The following NUDT4 variants were observed in gnomAD, a reference collection of about 807,000 sequenced individuals.
The protein encoded by NUDT4 is diphosphoinositol polyphosphate phosphohydrolase 2.
A neutral mutation model predicts 23.1 loss-of-function variants in NUDT4; 5 were observed. The observed-to-expected ratio is 0.22, with a 90% CI of 0.11 to 0.46. The LOEUF is 0.46. Ranked by LOEUF, NUDT4 falls within the 20% of genes least tolerant of loss-of-function variation. NUDT4 has a pLI of 0.99. For synonymous variants in NUDT4, 50 were observed against 79.0 expected (o/e 0.63, Z 1.95); for missense variants, 96 against 211.6 (o/e 0.45, Z 3.39).
In NUDT4 at chr12:93,407,714, G is replaced by T. The variant is rs948677931; in HGVS notation, c.*8335G>T. 2 of 152,216 alleles carry T rather than the reference G, an allele frequency of 1.3e-5. No individual in the cohort carries two copies. Among genetic ancestry groups the T allele is most frequent in the South Asian group, 4.1e-4 (2 of 4,836 alleles). The allele number at this position is 152,216 out of a possible 1,614,324, so 9.4% of individuals were successfully genotyped here. A position where few individuals can be genotyped will look rare whatever the true frequency, so the allele number is the denominator to read the frequency against. On this transcript the variant is annotated 3_prime_UTR_variant, in exon 5 of 5. Transcript: ENST00000415493. ...AAAATGTTGGCATCAAATTCAGAAT[G>T]TTTTAACCAGCCACACTGTGTGGGC...
At chr12:93,384,584 A>C (rs1424635217) in intron 1 of NUDT4, among the ~76,000 whole-genome samples, 1 of 152,174 alleles carries the variant, frequency 6.6e-6, no homozygotes, top group Non-Finnish European at 1.5e-5. Context: ...AATTGCAAAA[A>C]TATTTTATAA....
intron 1 of NUDT4, among the ~76,000 whole-genome samples, chr12:93,388,895 CTG>C (rs1009628851): frequency 6.6e-6 from 1 of 152,048 alleles, no homozygotes; most frequent in Non-Finnish European, 1.5e-5. Flanking sequence ...CTAGTGGTGA[CTG>C]TGTTAGCTGT....
At position 93,392,934 on chromosome 12, in the gene NUDT4, G is replaced by A. The variant is rs1434249399; in HGVS notation, c.100-1675G>A. Among the ~76,000 whole-genome samples, 3 of 136,664 alleles carry A rather than the reference G, an allele frequency of 2.2e-5. 1 individual carries two copies. Among genetic ancestry groups the A allele is most frequent in the Non-Finnish European group, 4.7e-5 (3 of 63,834 alleles). 89.7% of individuals were successfully genotyped at this position (136,664 alleles called of 152,430 possible). A position where few individuals can be genotyped will look rare whatever the true frequency, so the allele number is the denominator to read the frequency against. On this transcript the variant is annotated intron_variant, in intron 1 of 4. Transcript: ENST00000415493. ...GACCTCAGGTGATCTGCCCACCTCA[G>A]CCTCCCAAAGTGCTAGGATTACAGG...
chr12:93,382,737 C>T (rs1205036177), intron 1 of NUDT4, among the ~76,000 whole-genome samples: 2 of 137,370 alleles, frequency 1.5e-5, no homozygotes, highest in East Asian at 2.3e-4. Context: ...AGTGCAGTGG[C>T]GCGATGTCAG....
At chr12:93,385,941 T>TTATATATATATATATATATATATATATA (rs371683658) in intron 1 of NUDT4, among the ~76,000 whole-genome samples, 2 of 104,608 alleles carry the variant, frequency 1.9e-5, no homozygotes, top group African/African-American at 7.3e-5. Context: ...GTAAATCTTT[T>TTATATATATATATATATATATATATATA]TATATATATA....
At chr12:93,398,681 C>A in intron 3 of NUDT4, 90 bp from the exon 4 acceptor site, 4 of 765,520 alleles carry the variant, frequency 5.2e-6, no homozygotes, top group South Asian at 4.8e-5. Context: ...TGCTAATCAG[C>A]AGTATGCCAG....
At position 93,406,620 on chromosome 12, in the gene NUDT4, G is replaced by A. The variant is rs1877832591; in HGVS notation, c.*7241G>A. On this transcript the variant is annotated 3_prime_UTR_variant, in exon 5 of 5. Coordinates refer to ENST00000415493, the MANE Select transcript of NUDT4 (RefSeq NM_019094.6). ...CAGACAAAATATTCCAAAAAACATT[G>A]TGTCTGTAGTCAACATGTATATTTT... 6.6e-6 allele frequency: 1 copy of A among 151,796 alleles called. No homozygotes were observed. Among genetic ancestry groups the A allele is most frequent in the African/African-American group, 2.4e-5 (1 of 41,060 alleles). The allele number at this position is 151,796 out of a possible 1,614,324, so 9.4% of individuals were successfully genotyped here. A position where few individuals can be genotyped will look rare whatever the true frequency, so the allele number is the denominator to read the frequency against.
intron 1 of NUDT4, among the ~76,000 whole-genome samples, chr12:93,381,650 C>A (rs903961858): frequency 2.0e-5 from 3 of 152,128 alleles, no homozygotes; most frequent in African/African-American, 7.2e-5. Flanking sequence ...GAGGAGGGAC[C>A]AGGCGTCCCA....
chr12:93,388,049 A>G (rs1462289067), intron 1 of NUDT4, among the ~76,000 whole-genome samples: 1 of 152,208 alleles, frequency 6.6e-6, no homozygotes, highest in Admixed American at 6.5e-5. Flanking sequence ...TGAAACAGAC[A>G]GACTTTCAAA....
chr12:93,377,953 A>G lies in NUDT4; in HGVS notation c.-370A>G, dbSNP rs544825918. ...CGCCGCGGTGCTGCTGCTCAGTGGG[A>G]GCGGGTCTTCGCAACTGTCTCCGCG... is the stretch of plus-strand genomic sequence containing the variant. On this transcript the variant is annotated 5_prime_UTR_variant, in exon 1 of 5. Coordinates refer to ENST00000415493, the MANE Select transcript of NUDT4 (RefSeq NM_019094.6). The G allele has an allele frequency of 3.6e-6, 1 of 275,650 alleles. No individual in the cohort carries two copies. The highest frequency in any genetic ancestry group is 7.2e-6 in the Non-Finnish European group (1 of 138,978). 17.1% of individuals were successfully genotyped at this position (275,650 alleles called of 1,614,324 possible).
intron 1 of NUDT4, among the ~76,000 whole-genome samples, chr12:93,389,615 A>G (rs17021193): frequency 0.027 from 4,110 of 152,106 alleles, 195 homozygotes; most frequent in African/African-American, 0.094. Context: ...TTAAATCTGA[A>G]GCATAGACCG....
In NUDT4 at chr12:93,407,927, T is replaced by C. The variant is rs1237041316; in HGVS notation, c.*8548T>C. ...TTACCAAAACTGCAAAGGAAAAAAA[T>C]ATGATACCATGAAATTAGAAATTCA... On this transcript the variant is annotated 3_prime_UTR_variant, in exon 5 of 5. Coordinates refer to ENST00000415493, the MANE Select transcript of NUDT4 (RefSeq NM_019094.6). 6.6e-6 allele frequency: 1 copy of C among 152,008 alleles called. No homozygotes were observed. The highest frequency in any genetic ancestry group is 1.5e-5 in the Non-Finnish European group (1 of 67,956). The allele number at this position is 152,008 out of a possible 1,614,324, so 9.4% of individuals were successfully genotyped here. A position where few individuals can be genotyped will look rare whatever the true frequency, so the allele number is the denominator to read the frequency against.
Position 93,401,838 on chromosome 12 carries a change from A to ATTTCTGTT in NUDT4, c.*2460_*2461insTTCTGTTT, listed in dbSNP as rs1877457960. The stretch of plus-strand genomic sequence containing the variant: ...CCCTAGGGAGATTTATTTCTGTTAA[A>ATTTCTGTT]TAGTTAACTCTGCTGAGTATGACAA... On this transcript the variant is annotated 3_prime_UTR_variant, in exon 5 of 5. Coordinates refer to ENST00000415493, the MANE Select transcript of NUDT4 (RefSeq NM_019094.6). The ATTTCTGTT allele has an allele frequency of 7.0e-6, 1 of 141,896 alleles. No individual in the cohort carries two copies. The highest frequency in any genetic ancestry group is 1.6e-5 in the Non-Finnish European group (1 of 64,024). The allele number at this position is 141,896 out of a possible 1,614,324, so 8.8% of individuals were successfully genotyped here. A position where few individuals can be genotyped will look rare whatever the true frequency, so the allele number is the denominator to read the frequency against.
At chr12:93,398,396 A>G (rs1877097469) in intron 3 of NUDT4, among the ~76,000 whole-genome samples, 1 of 151,800 alleles carries the variant, frequency 6.6e-6, no homozygotes, top group Non-Finnish European at 1.5e-5. Context: ...AAGTGTTTAA[A>G]GTTTAGTACT....
At chr12:93,387,738 C>A (rs1876212467) in intron 1 of NUDT4, among the ~76,000 whole-genome samples, 1 of 152,118 alleles carries the variant, frequency 6.6e-6, no homozygotes, top group Admixed American at 6.6e-5. Context: ...CCCAGGTGAT[C>A]ACAGGATGGC....
rs1356460081 is a variant in NUDT4, at chr12:93,402,054, CTG to C, written c.*2678_*2679del. On this transcript the variant is annotated 3_prime_UTR_variant, in exon 5 of 5. Coordinates refer to ENST00000415493, the MANE Select transcript of NUDT4 (RefSeq NM_019094.6). ...AATTGACTTGCAGACAAAGTAGAAA[CTG>C]TGCTGCATGATGTTATTTTGTAAAC... 2.2e-5 allele frequency: 3 copies of C among 139,314 alleles called. No homozygotes were observed. Among genetic ancestry groups the C allele is most frequent in the African/African-American group, 2.7e-5 (1 of 37,460 alleles). 8.6% of individuals were successfully genotyped at this position (139,314 alleles called of 1,614,324 possible).
At chr12:93,386,423 A>G (rs1876101008) in intron 1 of NUDT4, among the ~76,000 whole-genome samples, 1 of 151,796 alleles carries the variant, frequency 6.6e-6, no homozygotes, top group South Asian at 2.1e-4. Context: ...CTAAAAATAC[A>G]AAAAAAATGA....
rs904354538 is a variant in NUDT4, at chr12:93,402,318, TCA to T, written c.*2940_*2941del. 2.0e-5 allele frequency: 3 copies of T among 152,070 alleles called. No homozygotes were observed. Among genetic ancestry groups the T allele is most frequent in the African/African-American group, 7.2e-5 (3 of 41,382 alleles). The allele number at this position is 152,070 out of a possible 1,614,324, so 9.4% of individuals were successfully genotyped here. ...AAAACAAAAACACACACACATGAAC[TCA>T]GATTTGCAAACCAGGTTTCTGAAAC... On this transcript the variant is annotated 3_prime_UTR_variant, in exon 5 of 5. Transcript: ENST00000415493.
Position 93,402,621 on chromosome 12 carries a change from G to A in NUDT4, c.*3242G>A, listed in dbSNP as rs1044521795. On this transcript the variant is annotated 3_prime_UTR_variant, in exon 5 of 5. Transcript: ENST00000415493. ...AAAAGGAAATGCTTACCACTAAGAT[G>A]TCAGTATTCTCCTCATGGATATTTT... 1.3e-5 allele frequency: 2 copies of A among 152,116 alleles called. No individual in the cohort carries two copies. Among genetic ancestry groups the A allele is most frequent in the African/African-American group, 2.4e-5 (1 of 41,408 alleles). 9.4% of individuals were successfully genotyped at this position (152,116 alleles called of 1,614,324 possible).
Sources: gnomAD v4.1 joint callset for allele counts (sites outside exome capture counted in the v4.1 genomes callset) on GRCh38, gnomAD v4.1.1 for gene constraint, MANE v1.5 for transcripts, NCBI Gene and HGNC (gene_info 2026-07-23, HGNC 2026-07-21) for gene names.